Variants in XYLB observed in about 807,000 individuals in gnomAD.
XYLB encodes the protein xylulokinase.
A neutral mutation model predicts 78.7 loss-of-function variants in XYLB; 62 were observed. The observed-to-expected ratio is 0.79, with a 90% CI of 0.64 to 0.97. The LOEUF (loss-of-function observed/expected upper bound fraction) is 0.97. XYLB is among the 50% of genes least tolerant of loss of function. The pLI is 0.00. For missense variants in XYLB, 687 were observed against 676.8 expected (o/e 1.02, Z -0.17); for synonymous variants, 245 against 247.4 (o/e 0.99, Z 0.09).
the XYLB span, among the ~76,000 whole-genome samples, chr3:38,437,005 AAATAATAATAATAATAAT>A: frequency 3.0e-5 from 4 of 134,806 alleles, no homozygotes; most frequent in African/African-American, 5.5e-5. Flanking sequence ...CTCCTTCTAA[AAATAATAATAATAATAAT>A]AATAATAATA....
At chr3:38,365,164 T>C (rs1450699772) in intron 4 of XYLB, 35 bp from the exon 5 acceptor site, 5 of 1,605,124 alleles carry the variant, frequency 3.1e-6, no homozygotes, top group Non-Finnish European at 3.4e-6. Flanking sequence ...CACTGGTGTG[T>C]GGTCATGTGA....
chr3:38,371,360 G>A (rs888340271), intron 9 of XYLB, among the ~76,000 whole-genome samples: 4 of 151,526 alleles, frequency 2.6e-5, no homozygotes, highest in African/African-American at 4.9e-5. Context: ...TGCAAGCTCC[G>A]CCTCCTGGGT....
At position 38,414,646 on chromosome 3, in the gene XYLB, A is replaced by T. The variant is rs1284843761; in HGVS notation, c.*1633A>T. 1 of 152,246 alleles carries T rather than the reference A, an allele frequency of 6.6e-6. No homozygotes were observed. Among genetic ancestry groups the T allele is most frequent in the Non-Finnish European group, 1.5e-5 (1 of 68,044 alleles). The allele number at this position is 152,246 out of a possible 1,614,324, so 9.4% of individuals were successfully genotyped here. On this transcript the variant is annotated 3_prime_UTR_variant, in exon 19 of 19. Coordinates refer to ENST00000207870, the MANE Select transcript of XYLB (RefSeq NM_005108.4). ...ACAAGCATATATGAGAAGAGAACTG[A>T]CTGAACTTGGGAAATAATTTGAACA...
Position 38,400,994 on chromosome 3 carries a change from C to A in XYLB, c.1533+9C>A, listed in dbSNP as rs1254443313. On this transcript the variant is annotated intron_variant, in intron 18 of 18. Transcript: ENST00000207870. ...GCCCGGGAGCTTCTCAGGTGAGAGA[C>A]CATCGGAATTTGTTTGTAGCATTTG... 6.2e-7 allele frequency: 1 copy of A among 1,613,358 alleles called. No homozygotes were observed. The highest frequency in any genetic ancestry group is 8.5e-7 in the Non-Finnish European group (1 of 1,179,306).
chr3:38,402,182 C>T (rs893786895), intron 18 of XYLB, among the ~76,000 whole-genome samples: 9 of 152,096 alleles, frequency 5.9e-5, no homozygotes, highest in Admixed American at 5.9e-4. Context: ...TAGAAAACTC[C>T]CAACCTTGTA....
chr3:38,374,232 C>T (rs771028017), intron 10 of XYLB, among the ~76,000 whole-genome samples: 4 of 152,094 alleles, frequency 2.6e-5, no homozygotes, highest in Admixed American at 6.5e-5. Context: ...AGGGAAGAGA[C>T]TTCACAGCTC....
chr3:38,374,399 G>C, intron 10 of XYLB, 63 bp from the exon 11 acceptor site: 2 of 1,612,744 alleles, frequency 1.2e-6, no homozygotes, highest in Non-Finnish European at 1.7e-6. Flanking sequence ...GGAGAGCCCT[G>C]TGGTTTGCTT....
intron 15 of XYLB, among the ~76,000 whole-genome samples, chr3:38,388,169 GTTT>G (rs71085320): frequency 2.7e-5 from 3 of 109,342 alleles, no homozygotes; most frequent in South Asian, 2.7e-4. Context: ...GTTTTTTTTT[GTTT>G]TTTTTTTTTT....
intron 7 of XYLB, 78 bp from the exon 8 acceptor site, chr3:38,368,107 C>A: frequency 7.2e-7 from 1 of 1,393,834 alleles, no homozygotes; most frequent in Non-Finnish European, 1.0e-6. Flanking sequence ...TTTTTTCATG[C>A]TTTGTGTGTG....
chr3:38,367,443 A>G (rs1239867498), intron 7 of XYLB, among the ~76,000 whole-genome samples: 1 of 152,234 alleles, frequency 6.6e-6, no homozygotes, highest in Non-Finnish European at 1.5e-5. Flanking sequence ...CGATCAGCTC[A>G]CATTAAACCA....
the XYLB span, among the ~76,000 whole-genome samples, chr3:38,429,782 C>G: frequency 6.6e-6 from 1 of 152,280 alleles, no homozygotes; most frequent in South Asian, 2.1e-4. Context: ...GTTCAATTCC[C>G]ACCTATGAGT....
chr3:38,439,036 T>A, the XYLB span, among the ~76,000 whole-genome samples: 1 of 152,168 alleles, frequency 6.6e-6, no homozygotes, highest in Admixed American at 6.5e-5. Context: ...CATTTTACAA[T>A]CCTCTTGTAA....
In XYLB at chr3:38,413,077, G is replaced by T; in HGVS notation, c.*64G>T. ...GACCCCATTTGTCGACATGGCCCCA[G>T]ACAGGAGGGATCCACTTCTCTGTTC... On this transcript the variant is annotated 3_prime_UTR_variant, in exon 19 of 19. Transcript: ENST00000207870. 1 of 1,467,378 alleles carries T rather than the reference G, an allele frequency of 6.8e-7. No homozygotes were observed. The highest frequency in any genetic ancestry group is 9.2e-7 in the Non-Finnish European group (1 of 1,084,866). 90.9% of individuals were successfully genotyped at this position (1,467,378 alleles called of 1,614,324 possible).
intron 15 of XYLB, 24 bp downstream of exon 15, chr3:38,379,366 T>C (rs1297942803): frequency 1.2e-6 from 2 of 1,612,430 alleles, no homozygotes; most frequent in Middle Eastern, 1.7e-4. Flanking sequence ...TGGCAGCATG[T>C]GTCCCGGGGT....
At chr3:38,355,405 T>G (rs1705595474) in intron 2 of XYLB, among the ~76,000 whole-genome samples, 1 of 152,244 alleles carries the variant, frequency 6.6e-6, no homozygotes, top group Non-Finnish European at 1.5e-5. Flanking sequence ...ATTGTGAGCT[T>G]AATGGTTTTG....
chr3:38,350,404 G>A (rs941276835), intron 2 of XYLB, among the ~76,000 whole-genome samples: 1 of 152,118 alleles, frequency 6.6e-6, no homozygotes, highest in Admixed American at 6.6e-5. Flanking sequence ...TGACATCTGT[G>A]GGACCAGTAA....
intron 18 of XYLB, 90 bp from the exon 19 acceptor site, chr3:38,412,846 C>T (rs565466108): frequency 9.2e-5 from 103 of 1,124,804 alleles, no homozygotes; most frequent in African/African-American, 1.3e-4. Context: ...TGCAAGTAAA[C>T]GGGATTTAAA....
At chr3:38,398,901 G>T (rs1192821929) in intron 17 of XYLB, among the ~76,000 whole-genome samples, 9 of 150,026 alleles carry the variant, frequency 6.0e-5, no homozygotes, top group Non-Finnish European at 8.9e-5. Context: ...GCATGGTGGC[G>T]CACGCCTGTA....
rs769878361 is a variant in XYLB, at chr3:38,404,008, A to T, written c.1533+3023A>T. Among the ~76,000 whole-genome samples the T allele has an allele frequency of 3.3e-4, 50 of 152,268 alleles. 1 individual carries two copies. The highest frequency in any genetic ancestry group is 3.4e-3 in the Middle Eastern group (1 of 294). Reference sequence around the variant, plus strand: ...GACTAGAGTTAAACTTCTTGAGAGCAGGGCCACATCCTTCATTCTCTCTGT... The same window carrying T: ...GACTAGAGTTAAACTTCTTGAGAGCTGGGCCACATCCTTCATTCTCTCTGT... On this transcript the variant is annotated intron_variant, in intron 18 of 18. Coordinates refer to ENST00000207870, the MANE Select transcript of XYLB (RefSeq NM_005108.4).
Sources: gnomAD v4.1 joint callset for allele counts (sites outside exome capture counted in the v4.1 genomes callset) on GRCh38, gnomAD v4.1.1 for gene constraint, MANE v1.5 for transcripts, NCBI Gene and HGNC (gene_info 2026-07-23, HGNC 2026-07-21) for gene names.